The following CLOCK variants were observed in gnomAD, a reference collection of about 807,000 sequenced individuals.
CLOCK encodes the protein clock circadian regulator.
CLOCK carries 43 observed loss-of-function variants against 118.4 expected under a neutral mutation model. The observed-to-expected ratio is 0.36, with a 90% CI of 0.28 to 0.47. CLOCK has a LOEUF of 0.47. Among genes scored for constraint, CLOCK ranks in the 20% least tolerant of loss-of-function variants. The pLI is 1.00. For synonymous variants in CLOCK, 326 were observed against 339.2 expected, an observed-to-expected ratio of 0.96 and a Z score of 0.43; for missense variants, 846 against 999.9, an observed-to-expected ratio of 0.85 and a Z score of 2.08.
intron 4 of CLOCK, among the ~76,000 whole-genome samples, chr4:55,480,855 C>T (rs545719025): frequency 6.6e-6 from 1 of 150,462 alleles, no homozygotes; most frequent in South Asian, 2.1e-4. Context: ...CGTACCACTG[C>T]ACTCCAGCCT....
At chr4:55,445,281 G>C (rs909899849) in intron 18 of CLOCK, among the ~76,000 whole-genome samples, 3 of 151,998 alleles carry the variant, frequency 2.0e-5, no homozygotes, top group African/African-American at 7.2e-5. Context: ...CACCTGCCCC[G>C]GCAGGTGGCT....
chr4:55,496,262 C>T (rs939058184), intron 2 of CLOCK, among the ~76,000 whole-genome samples: 6 of 137,942 alleles, frequency 4.3e-5, no homozygotes, highest in African/African-American at 1.5e-4. Flanking sequence ...TATGTTGGGT[C>T]TTTAAAAAGA....
At chr4:55,515,760 G>A (rs1729471265) in intron 1 of CLOCK, among the ~76,000 whole-genome samples, 1 of 152,040 alleles carries the variant, frequency 6.6e-6, no homozygotes, top group Non-Finnish European at 1.5e-5. Context: ...GTTTCCTAAG[G>A]CAGAAACTTT....
intron 2 of CLOCK, among the ~76,000 whole-genome samples, chr4:55,490,294 C>G: frequency 6.6e-6 from 1 of 151,840 alleles, no homozygotes; most frequent in Non-Finnish European, 1.5e-5. Flanking sequence ...TAATAAGAGT[C>G]AATTCATTAG....
intron 1 of CLOCK, among the ~76,000 whole-genome samples, chr4:55,530,710 G>A (rs1260902816): frequency 7.2e-6 from 1 of 138,686 alleles, no homozygotes; most frequent in Admixed American, 8.0e-5. Context: ...AGGAGGTGGA[G>A]GTTGCAGTGA....
At chr4:55,490,283 G>A (rs1212246562) in intron 2 of CLOCK, among the ~76,000 whole-genome samples, 2 of 151,830 alleles carry the variant, frequency 1.3e-5, no homozygotes, top group African/African-American at 4.8e-5. Context: ...ACATTATATA[G>A]TAATAAGAGT....
At chr4:55,517,743 TG>T (rs1729605814) in intron 1 of CLOCK, among the ~76,000 whole-genome samples, 2 of 152,292 alleles carry the variant, frequency 1.3e-5, no homozygotes, top group African/African-American at 4.8e-5. Flanking sequence ...GATATCTTTT[TG>T]GGGAGTTTCA....
chr4:55,497,897 G>C (rs1408087278), intron 2 of CLOCK, among the ~76,000 whole-genome samples: 1 of 151,416 alleles, frequency 6.6e-6, no homozygotes, highest in Non-Finnish European at 1.5e-5. Flanking sequence ...TTAAACCCCA[G>C]ACTTTGTAGA....
intron 18 of CLOCK, among the ~76,000 whole-genome samples, chr4:55,446,623 A>G (rs937750949): frequency 6.6e-6 from 1 of 152,208 alleles, no homozygotes; most frequent in Non-Finnish European, 1.5e-5. Flanking sequence ...AATGAAAATA[A>G]AATTATATTT....
At position 55,444,805 on chromosome 4, in the gene CLOCK, A is replaced by G. The variant is rs943832535; in HGVS notation, c.1540-20T>C. ...CTGAAACTGAAGTACCATGTACGGA[A>G]AAAGTGTAATATATTTTAGAATTAC... On this transcript the variant is annotated intron_variant, in intron 18 of 22. Transcript: ENST00000513440. 3.1e-6 allele frequency: 5 copies of G among 1,612,082 alleles called. No individual in the cohort carries two copies. The highest frequency in any genetic ancestry group is 3.4e-6 in the Non-Finnish European group (4 of 1,179,006).
chr4:55,495,013 G>A (rs982269611), intron 2 of CLOCK, among the ~76,000 whole-genome samples: 3 of 152,022 alleles, frequency 2.0e-5, no homozygotes, highest in East Asian at 1.9e-4. Flanking sequence ...GGTTTCTCTC[G>A]ATAAACCTGG....
intron 2 of CLOCK, among the ~76,000 whole-genome samples, chr4:55,493,932 T>C (rs1426143348): frequency 1.3e-5 from 2 of 152,142 alleles, no homozygotes; most frequent in Non-Finnish European, 2.9e-5. Context: ...CTAAACCTCA[T>C]TAAATAAACA....
chr4:55,532,044 T>C (rs1427407188), intron 1 of CLOCK, among the ~76,000 whole-genome samples: 1 of 152,024 alleles, frequency 6.6e-6, no homozygotes, highest in Non-Finnish European at 1.5e-5. Context: ...TAGGGTAATA[T>C]ACCACATTAA....
At position 55,429,311 on chromosome 4, in the gene CLOCK, C is replaced by T. The variant is rs777497466; in HGVS notation, c.*6104G>A. ...ATTGTGGTTGACGTGCTTTAACTACCGTTCTCTAAGTTGTGTGCTATACCT... is the reference window on the plus strand; with the variant it reads ...ATTGTGGTTGACGTGCTTTAACTACTGTTCTCTAAGTTGTGTGCTATACCT... On this transcript the variant is annotated 3_prime_UTR_variant, in exon 23 of 23. Coordinates refer to ENST00000513440, the MANE Select transcript of CLOCK (RefSeq NM_004898.4). 6 of 152,058 alleles carry T rather than the reference C, an allele frequency of 3.9e-5. No individual in the cohort carries two copies. Among genetic ancestry groups the T allele is most frequent in the South Asian group, 4.1e-4 (2 of 4,824 alleles). 9.4% of individuals were successfully genotyped at this position (152,058 alleles called of 1,614,324 possible).
intron 1 of CLOCK, chr4:55,546,535 T>G (rs1280753067): frequency 7.2e-6 from 1 of 138,650 alleles, no homozygotes; most frequent in Admixed American, 7.5e-5. Context: ...GGTCTCCCGC[T>G]GCGGTGACTC....
intron 1 of CLOCK, among the ~76,000 whole-genome samples, chr4:55,523,824 G>T (rs1231930520): frequency 6.6e-6 from 1 of 152,106 alleles, no homozygotes; most frequent in Non-Finnish European, 1.5e-5. Flanking sequence ...AGAAGTTTTT[G>T]AAACCTTTGA....
At chr4:55,485,639 T>G (rs1031344873) in intron 3 of CLOCK, among the ~76,000 whole-genome samples, 1 of 152,220 alleles carries the variant, frequency 6.6e-6, no homozygotes, top group Non-Finnish European at 1.5e-5. Flanking sequence ...TCATTATTTT[T>G]TAAGTTCGAC....
chr4:55,484,013 G>A (rs1302309088), intron 3 of CLOCK, among the ~76,000 whole-genome samples: 1 of 152,016 alleles, frequency 6.6e-6, no homozygotes, highest in African/African-American at 2.4e-5. Context: ...ATGCTCAACG[G>A]AGCATTTCTA....
intron 15 of CLOCK, 150 bp from the exon 16 acceptor site, chr4:55,450,382 AT>A: frequency 1.2e-6 from 1 of 846,314 alleles, no homozygotes. Context: ...AGAAATGAAA[AT>A]TTATGTGTTA....
Sources: gnomAD v4.1 joint callset for allele counts (sites outside exome capture counted in the v4.1 genomes callset) on GRCh38, gnomAD v4.1.1 for gene constraint, MANE v1.5 for transcripts, NCBI Gene and HGNC (gene_info 2026-07-23, HGNC 2026-07-21) for gene names.